CERS3: variants seen among roughly 807,000 people sequenced by gnomAD.
CERS3 encodes the protein LAG1 homolog, ceramide synthase 3.
In CERS3, 33 loss-of-function variants were observed where a neutral mutation model predicts 50.3. That is an observed-to-expected ratio of 0.66 (90% CI 0.50 to 0.88). The LOEUF (loss-of-function observed/expected upper bound fraction) is 0.88, where lower values mean the gene tolerates loss of function less well. CERS3 is among the 40% of genes least tolerant of loss of function. The pLI, the probability that CERS3 is intolerant of heterozygous loss-of-function variation, is 0.00. For missense variants in CERS3, 470 were observed against 460.3 expected (o/e 1.02, Z -0.19); for synonymous variants, 176 against 155.2 (o/e 1.13, Z -0.99).
At chr15:100,442,227 T>A (rs1247677722) in intron 11 of CERS3, among the ~76,000 whole-genome samples, 1 of 152,168 alleles carries the variant, frequency 6.6e-6, no homozygotes, top group Non-Finnish European at 1.5e-5. Context: ...GCAGCAACCC[T>A]GAGACACTTT....
At chr15:100,409,902 A>G (rs1057396877) in intron 11 of CERS3, among the ~76,000 whole-genome samples, 18 of 152,210 alleles carry the variant, frequency 1.2e-4, no homozygotes, top group Non-Finnish European at 5.9e-5. Flanking sequence ...CAGCAGCCAC[A>G]GGACTGTAAT....
At chr15:100,402,888 T>C in intron 11 of CERS3, 23 bp from the exon 12 acceptor site, 1 of 1,564,034 alleles carries the variant, frequency 6.4e-7, no homozygotes, top group Non-Finnish European at 8.7e-7. Flanking sequence ...AAGAATTGGC[T>C]GTGAGTGACA....
chr15:100,452,709 T>C (rs1419917907), intron 11 of CERS3, among the ~76,000 whole-genome samples: 2 of 151,744 alleles, frequency 1.3e-5, no homozygotes. Context: ...ATCAACAAAA[T>C]TAGAAGTTAG....
At chr15:100,489,077 T>C (rs571403914) in intron 4 of CERS3, among the ~76,000 whole-genome samples, 89 of 151,836 alleles carry the variant, frequency 5.9e-4, no homozygotes, top group African/African-American at 2.1e-3. Context: ...GCCCAGCCAC[T>C]TTTTTTTTCC....
At chr15:100,463,854 C>CCCTCT (rs2034629489) in intron 10 of CERS3, among the ~76,000 whole-genome samples, 1 of 152,186 alleles carries the variant, frequency 6.6e-6, no homozygotes, top group Admixed American at 6.5e-5. Flanking sequence ...CGATGCTCTG[C>CCCTCT]CCTCTGCTTC....
At chr15:100,490,742 A>G in intron 4 of CERS3, 75 bp downstream of exon 4, 1 of 864,350 alleles carries the variant, frequency 1.2e-6, no homozygotes, top group Non-Finnish European at 1.9e-6. Context: ...TCTTGCACAC[A>G]CAAGGTAAGC....
intron 8 of CERS3, among the ~76,000 whole-genome samples, chr15:100,475,211 A>G (rs1022151394): frequency 6.6e-5 from 10 of 152,236 alleles, no homozygotes; most frequent in African/African-American, 2.4e-4. Flanking sequence ...GATTATTTCT[A>G]TCAGATACTT....
At chr15:100,404,515 G>A (rs939962803) in intron 11 of CERS3, among the ~76,000 whole-genome samples, 6 of 152,132 alleles carry the variant, frequency 3.9e-5, no homozygotes, top group African/African-American at 1.4e-4. Context: ...TTCATGAATT[G>A]GAAGACTGAA....
intron 5 of CERS3, among the ~76,000 whole-genome samples, chr15:100,483,272 T>C (rs1224736811): frequency 6.6e-6 from 1 of 152,090 alleles, no homozygotes; most frequent in Non-Finnish European, 1.5e-5. Flanking sequence ...GCCACTGGGG[T>C]GGCGCGACAA....
At chr15:100,493,179 T>A (rs760903511) in intron 3 of CERS3, among the ~76,000 whole-genome samples, 4 of 152,196 alleles carry the variant, frequency 2.6e-5, no homozygotes, top group Non-Finnish European at 4.4e-5. Flanking sequence ...TGGATTTGAG[T>A]TACTATCTTG....
chr15:100,523,295 T>C (rs149391395), intron 1 of CERS3, among the ~76,000 whole-genome samples: 1 of 152,344 alleles, frequency 6.6e-6, no homozygotes, highest in Non-Finnish European at 1.5e-5. Context: ...ATGTCTCCTC[T>C]CCTGCAGTTT....
chr15:100,480,782 G>A (rs11630722), intron 5 of CERS3, among the ~76,000 whole-genome samples: 62,814 of 151,890 alleles, frequency 0.41, 14,015 homozygotes, highest in Middle Eastern at 0.52. Flanking sequence ...TTATCTTTTC[G>A]AGATACATGC....
At chr15:100,544,670 C>T (rs1012512884) in exon 1 of CERS3, 1 of 152,342 alleles carries the variant, frequency 6.6e-6, no homozygotes, top group Admixed American at 6.5e-5. Context: ...CGTCCTGGGC[C>T]GAGGCGGGTC....
chr15:100,435,395 A>G (rs2033351421), intron 11 of CERS3, among the ~76,000 whole-genome samples: 2 of 152,160 alleles, frequency 1.3e-5, no homozygotes, highest in Non-Finnish European at 2.9e-5. Flanking sequence ...CTGGAATAAA[A>G]GCTTGTTTTA....
At chr15:100,405,242 A>AC (rs60157382) in intron 11 of CERS3, among the ~76,000 whole-genome samples, 37,101 of 84,034 alleles carry the variant, frequency 0.44, 5,168 homozygotes, top group East Asian at 0.6. Context: ...GTAAAAAAAA[A>AC]AAAAAACAAA....
rs56252929 is a variant in CERS3, at chr15:100,503,113, T to C, written c.-1-1263A>G. Among the ~76,000 whole-genome samples the C allele has an allele frequency of 6.4e-3, 970 of 152,352 alleles. 12 individuals carry two copies. The highest frequency in any genetic ancestry group is 0.022 in the African/African-American group (926 of 41,574). On this transcript the variant is annotated intron_variant, in intron 2 of 11. Transcript: ENST00000679737. ...TTGACTTGAGGATGCATGAATTTCA[T>C]CTTTTAATGTTTAATCAGAAAAAGG...
Position 100,490,949 on chromosome 15 carries a change from G to C in CERS3, c.174-18C>G. On this transcript the variant is annotated intron_variant, in intron 3 of 11. Transcript: ENST00000679737. Reference sequence around the variant, plus strand: ...CAACAAATCTACAAAAATATGAAAAGAAAAAAAGTTCAAAATCTAAGAATA... The same window carrying C: ...CAACAAATCTACAAAAATATGAAAACAAAAAAAGTTCAAAATCTAAGAATA... 1 of 1,445,612 alleles carries C rather than the reference G, an allele frequency of 6.9e-7. No individual in the cohort carries two copies. Among genetic ancestry groups the C allele is most frequent in the Non-Finnish European group, 9.6e-7 (1 of 1,044,758 alleles). 89.5% of individuals were successfully genotyped at this position (1,445,612 alleles called of 1,614,324 possible).
intron 10 of CERS3, among the ~76,000 whole-genome samples, chr15:100,460,864 T>G (rs2034527193): frequency 6.6e-6 from 1 of 152,184 alleles, no homozygotes; most frequent in African/African-American, 2.4e-5. Flanking sequence ...AATTGCCCAT[T>G]GTGATCCATG....
At chr15:100,454,539 A>G (rs941906972) in intron 11 of CERS3, among the ~76,000 whole-genome samples, 2 of 152,194 alleles carry the variant, frequency 1.3e-5, no homozygotes, top group Non-Finnish European at 2.9e-5. Context: ...CTCTCATCAT[A>G]TACAAAAATC....
Sources: allele counts gnomAD v4.1 joint callset (sites outside exome capture counted in the v4.1 genomes callset), GRCh38; gene constraint gnomAD v4.1.1; transcripts MANE v1.5; gene names NCBI Gene and HGNC (gene_info 2026-07-23, HGNC 2026-07-21).